RABEP1: variants seen among roughly 807,000 people sequenced by gnomAD.
RABEP1 encodes rabaptin, RAB GTPase binding effector protein 1, also known as rab GTPase-binding effector protein 1.
In RABEP1, 51 loss-of-function variants were observed where a neutral mutation model predicts 123.4. That is an observed-to-expected ratio of 0.41 (90% confidence interval 0.33 to 0.52). The LOEUF is 0.52. RABEP1 is among the 20% of genes least tolerant of loss of function. RABEP1 has a pLI of 0.16. For synonymous variants in RABEP1, 347 were observed against 355.2 expected (o/e 0.98, Z 0.26); for missense variants, 888 against 996.3 (o/e 0.89, Z 1.46).
intron 1 of RABEP1, among the ~76,000 whole-genome samples, chr17:5,298,366 G>A (rs927111863): frequency 2.0e-5 from 3 of 152,006 alleles, no homozygotes; most frequent in Non-Finnish European, 4.4e-5. Context: ...GGTTCTAAGA[G>A]GTGTTTTTTG....
At chr17:5,282,746 G>A (rs546688080) in intron 1 of RABEP1, among the ~76,000 whole-genome samples, 1 of 150,542 alleles carries the variant, frequency 6.6e-6, no homozygotes, top group East Asian at 1.9e-4. Context: ...GCGCTTGCGG[G>A]AGGGCAGAGG....
At chr17:5,297,071 T>C (rs1473770668) in intron 1 of RABEP1, among the ~76,000 whole-genome samples, 2 of 145,356 alleles carry the variant, frequency 1.4e-5, no homozygotes, top group Non-Finnish European at 1.6e-5. Flanking sequence ...ATATTGACTT[T>C]TTCCGAATGT....
chr17:5,367,378 T>C (rs753900846), intron 11 of RABEP1, among the ~76,000 whole-genome samples: 3 of 151,490 alleles, frequency 2.0e-5, no homozygotes, highest in Non-Finnish European at 4.4e-5. Flanking sequence ...TTCAAGCGAT[T>C]CTCCTGCCTC....
chr17:5,359,368 C>T (rs1399132196), intron 8 of RABEP1, among the ~76,000 whole-genome samples: 1 of 152,186 alleles, frequency 6.6e-6, no homozygotes, highest in Non-Finnish European at 1.5e-5. Flanking sequence ...GCCACTGCGC[C>T]CAGCCAGTCT....
chr17:5,318,834 A>C (rs1207972291), intron 2 of RABEP1, among the ~76,000 whole-genome samples: 1 of 152,194 alleles, frequency 6.6e-6, no homozygotes, highest in African/African-American at 2.4e-5. Context: ...ATCCAATCCA[A>C]CAATGTATAA....
At position 5,332,029 on chromosome 17, in the gene RABEP1, C is replaced by G; in HGVS notation, c.244C>G (p.Gln82Glu). ...CCTTCGAACCCAGCTGTGGGAAGCT[C>G]AAGCAGAGATGGAGAATATTAAGGC... is the stretch of plus-strand genomic sequence containing the variant. ...GHLRTQLWEA[Q>E]AEMENIKAIA... Residue 82 changes from glutamine to glutamate, a missense_variant, in exon 3 of 18, where the codon CAA (glutamine) becomes GAA (glutamate). Coordinates refer to ENST00000537505, the MANE Select transcript of RABEP1 (RefSeq NM_004703.6). The G allele has an allele frequency of 1.2e-6, 2 of 1,613,964 alleles. No homozygotes were observed. The highest frequency in any genetic ancestry group is 1.7e-6 in the Non-Finnish European group (2 of 1,179,984).
At chr17:5,354,148 T>G (rs1245807533) in intron 7 of RABEP1, among the ~76,000 whole-genome samples, 1 of 152,218 alleles carries the variant, frequency 6.6e-6, no homozygotes, top group Non-Finnish European at 1.5e-5. Flanking sequence ...ATTTCTTCTT[T>G]ATACCAGTGT....
chr17:5,337,295 C>T (rs1907185397), intron 4 of RABEP1, among the ~76,000 whole-genome samples: 3 of 152,092 alleles, frequency 2.0e-5, no homozygotes, highest in East Asian at 1.9e-4. Context: ...TTAGAAAACA[C>T]GTTATTCTAT....
At chr17:5,294,581 T>G (rs1597327892) in intron 1 of RABEP1, among the ~76,000 whole-genome samples, 1 of 33,478 alleles carries the variant, frequency 3.0e-5, no homozygotes, top group Non-Finnish European at 5.2e-5. Context: ...TTTTGGTATC[T>G]GAGAGGTCCT....
intron 13 of RABEP1, among the ~76,000 whole-genome samples, chr17:5,374,171 A>G (rs1476258052): frequency 6.6e-6 from 1 of 151,916 alleles, no homozygotes; most frequent in Non-Finnish European, 1.5e-5. Flanking sequence ...GGTTTAAACG[A>G]TTCTCCTGCC....
At chr17:5,373,929 T>C (rs1008968742) in intron 13 of RABEP1, among the ~76,000 whole-genome samples, 4 of 152,178 alleles carry the variant, frequency 2.6e-5, no homozygotes, top group African/African-American at 9.7e-5. Flanking sequence ...ATCTATGTTA[T>C]TTTTGTCGGC....
At chr17:5,374,996 C>T (rs767927181) in intron 13 of RABEP1, among the ~76,000 whole-genome samples, 1 of 152,050 alleles carries the variant, frequency 6.6e-6, no homozygotes, top group South Asian at 2.1e-4. Flanking sequence ...AGGCTGGTCT[C>T]GAACTCCTGA....
chr17:5,333,248 C>T (rs897457012), intron 3 of RABEP1, among the ~76,000 whole-genome samples: 14 of 151,842 alleles, frequency 9.2e-5, no homozygotes, highest in Non-Finnish European at 1.8e-4. Context: ...GTGCAACCTC[C>T]GCCTTCCAGG....
At chr17:5,304,047 TA>T (rs891295664) in intron 1 of RABEP1, among the ~76,000 whole-genome samples, 10 of 64,734 alleles carry the variant, frequency 1.5e-4, no homozygotes, top group Non-Finnish European at 3.5e-4. Context: ...AAAAAAAAAA[TA>T]AATAAAAATT....
intron 10 of RABEP1, chr17:5,364,209 T>C (rs1039442807): frequency 2.4e-4 from 37 of 152,220 alleles, no homozygotes; most frequent in African/African-American, 8.7e-4. Flanking sequence ...TAGACTGTTT[T>C]AAAGCCTGGC....
intron 1 of RABEP1, among the ~76,000 whole-genome samples, chr17:5,287,861 G>C (rs1177540963): frequency 6.6e-6 from 1 of 151,988 alleles, no homozygotes; most frequent in African/African-American, 2.4e-5. Flanking sequence ...GCAGTGAGCT[G>C]TGATCTTGCT....
chr17:5,319,236 A>G (rs1334681506), intron 2 of RABEP1, among the ~76,000 whole-genome samples: 1 of 144,192 alleles, frequency 6.9e-6, no homozygotes, highest in East Asian at 2.1e-4. Flanking sequence ...AGGCTGAGGC[A>G]GGGGAATTGC....
chr17:5,300,160 G>A (rs2144494854), intron 1 of RABEP1, among the ~76,000 whole-genome samples: 1 of 152,298 alleles, frequency 6.6e-6, no homozygotes, highest in South Asian at 2.1e-4. Context: ...ACCCAGCTAA[G>A]CATTCAAGTG....
intron 2 of RABEP1, among the ~76,000 whole-genome samples, chr17:5,331,682 A>C (rs1184997254): frequency 6.6e-6 from 1 of 152,180 alleles, no homozygotes; most frequent in Non-Finnish European, 1.5e-5. Flanking sequence ...AACTTAGGCC[A>C]GAGAGATTAA....
Sources: gnomAD v4.1 joint callset for allele counts (sites outside exome capture counted in the v4.1 genomes callset) on GRCh38, gnomAD v4.1.1 for gene constraint, MANE v1.5 for transcripts, NCBI Gene and HGNC (gene_info 2026-07-23, HGNC 2026-07-21) for gene names.